Variants in PLEKHA5 observed in about 807,000 individuals in gnomAD.
PLEKHA5 encodes the protein pleckstrin homology domain containing A5.
PLEKHA5 carries 55 observed loss-of-function variants against 181.9 expected under a neutral mutation model. The observed-to-expected ratio is 0.30, with a 90% CI of 0.24 to 0.38. The LOEUF (loss-of-function observed/expected upper bound fraction) is 0.38. Among genes scored for constraint, PLEKHA5 ranks in the 10% least tolerant of loss-of-function variants. The pLI is 1.00. For synonymous variants in PLEKHA5, 535 were observed against 529.4 expected, an observed-to-expected ratio of 1.01 and a Z score of -0.15; for missense variants, 1,432 against 1,549.5, an observed-to-expected ratio of 0.92 and a Z score of 1.27.
At chr12:19,198,351 C>G (rs564596313) in intron 3 of PLEKHA5, among the ~76,000 whole-genome samples, 85 of 152,298 alleles carry the variant, frequency 5.6e-4, no homozygotes, top group Non-Finnish European at 1.1e-3. Context: ...GGCTTAGAGC[C>G]TTTAAACTAA....
intron 7 of PLEKHA5, 103 bp from the exon 8 acceptor site, chr12:19,265,647 C>G: frequency 1.5e-6 from 1 of 663,160 alleles, no homozygotes; most frequent in South Asian, 1.9e-5. Flanking sequence ...GAATATAGTT[C>G]ATTTATGTAC....
intron 11 of PLEKHA5, among the ~76,000 whole-genome samples, chr12:19,278,901 G>T (rs373672447): frequency 6.6e-6 from 1 of 152,124 alleles, no homozygotes; most frequent in African/African-American, 2.4e-5. Context: ...ACCTCTTTTT[G>T]AGTAGAGACA....
chr12:19,286,073 G>C (rs150446878), intron 12 of PLEKHA5, among the ~76,000 whole-genome samples: 2,660 of 152,288 alleles, frequency 0.017, 47 homozygotes, highest in Non-Finnish European at 0.025. Context: ...GAGTTTTCAA[G>C]CAAAAAATAG....
chr12:19,162,108 A>T (rs914682260), intron 3 of PLEKHA5, among the ~76,000 whole-genome samples: 3 of 152,154 alleles, frequency 2.0e-5, no homozygotes, highest in Admixed American at 6.5e-5. Flanking sequence ...AGTGAAAATA[A>T]AGGAAAATTT....
chr12:19,259,175 A>T (rs572517275), intron 6 of PLEKHA5, among the ~76,000 whole-genome samples: 1 of 150,958 alleles, frequency 6.6e-6, no homozygotes, highest in African/African-American at 2.4e-5. Context: ...TGGGCAACAT[A>T]GTGAGACCTC....
intron 3 of PLEKHA5, among the ~76,000 whole-genome samples, chr12:19,219,151 C>T (rs892416513): frequency 2.0e-5 from 3 of 151,938 alleles, no homozygotes; most frequent in Middle Eastern, 3.2e-3. Flanking sequence ...TCTGCATATA[C>T]TAAGGGCTGA....
intron 3 of PLEKHA5, among the ~76,000 whole-genome samples, chr12:19,185,395 G>C (rs915279198): frequency 6.6e-6 from 1 of 152,060 alleles, no homozygotes; most frequent in Admixed American, 6.6e-5. Context: ...TCTGGAGAAC[G>C]AGAATGTCTT....
chr12:19,297,073 T>G (rs901455195), intron 15 of PLEKHA5, among the ~76,000 whole-genome samples: 10 of 152,138 alleles, frequency 6.6e-5, no homozygotes, highest in African/African-American at 2.4e-4. Context: ...TATTAGGAAC[T>G]GTGACTACGA....
chr12:19,272,642 G>A (rs2073265433), intron 10 of PLEKHA5, among the ~76,000 whole-genome samples: 1 of 152,070 alleles, frequency 6.6e-6, no homozygotes, highest in African/African-American at 2.4e-5. Flanking sequence ...GAGGCTGAGA[G>A]GGAAGGATCA....
chr12:19,163,597 G>A (rs1430399566), intron 3 of PLEKHA5, among the ~76,000 whole-genome samples: 1 of 152,130 alleles, frequency 6.6e-6, no homozygotes, highest in African/African-American at 2.4e-5. Context: ...TCACTGATGT[G>A]TTTCAGTGTC....
chr12:19,190,025 A>G (rs919395820), intron 3 of PLEKHA5, among the ~76,000 whole-genome samples: 1 of 152,156 alleles, frequency 6.6e-6, no homozygotes, highest in Non-Finnish European at 1.5e-5. Flanking sequence ...TCTGCTTACA[A>G]CGTGCGCTTC....
At chr12:19,350,511 C>G (rs1378682959) in intron 25 of PLEKHA5, among the ~76,000 whole-genome samples, 1 of 152,202 alleles carries the variant, frequency 6.6e-6, no homozygotes, top group African/African-American at 2.4e-5. Flanking sequence ...TCACGCCTAT[C>G]TATAATCCCA....
intron 25 of PLEKHA5, 74 bp from the exon 26 acceptor site, chr12:19,353,810 A>C (rs1268508007): frequency 3.9e-6 from 3 of 768,214 alleles, no homozygotes; most frequent in African/African-American, 3.5e-5. Flanking sequence ...AAGTGTCAGA[A>C]ATTAAGTAAG....
Position 19,309,924 on chromosome 12 carries a change from T to G in PLEKHA5, c.2038-4890T>G, listed in dbSNP as rs7295758. Among the ~76,000 whole-genome samples the G allele has an allele frequency of 1.6e-3, 240 of 152,312 alleles. 1 individual carries two copies. The highest frequency in any genetic ancestry group is 3.1e-3 in the Non-Finnish European group (208 of 68,030). On this transcript the variant is annotated intron_variant, in intron 15 of 31. Transcript: ENST00000429027. ...CAGTAAAAACAAAAGTAGGCTACAG[T>G]CTGTGCCATGTTGATGTACAATTTC... is the stretch of plus-strand genomic sequence containing the variant.
intron 3 of PLEKHA5, among the ~76,000 whole-genome samples, chr12:19,234,892 G>A (rs1209260876): frequency 6.6e-6 from 1 of 152,078 alleles, no homozygotes; most frequent in African/African-American, 2.4e-5. Context: ...GTATTTATAG[G>A]TTATGGTTTA....
At chr12:19,323,704 T>C (rs1209626360) in intron 20 of PLEKHA5, among the ~76,000 whole-genome samples, 1 of 150,194 alleles carries the variant, frequency 6.7e-6, no homozygotes, top group African/African-American at 2.5e-5. Flanking sequence ...TAATCCTAGC[T>C]ACTTGGGAGG....
At position 19,290,691 on chromosome 12, in the gene PLEKHA5, G is replaced by A. The variant is rs199962575; in HGVS notation, c.1878G>A (p.Thr626=). 135 of 1,534,408 alleles carry A rather than the reference G, an allele frequency of 8.8e-5. No individual in the cohort carries two copies. Among genetic ancestry groups the A allele is most frequent in the Non-Finnish European group, 1.1e-4 (126 of 1,145,722 alleles). Residue 626 remains threonine, a synonymous_variant, in exon 14 of 32, where the codon ACG becomes ACA. Coordinates refer to ENST00000429027, the MANE Select transcript of PLEKHA5 (RefSeq NM_001256470.2). Reference sequence around the variant, plus strand: ...TACTCCTTCAGCCAGAGGAGCTTACGCTGCTGCTAATAAAGCTGAGACGGC... The same window carrying A: ...TACTCCTTCAGCCAGAGGAGCTTACACTGCTGCTAATAAAGCTGAGACGGC... ...SLQGKTPEEL[T]LLLIKLRRQQ...
intron 3 of PLEKHA5, among the ~76,000 whole-genome samples, chr12:19,166,360 G>A (rs1160311582): frequency 6.6e-6 from 1 of 152,122 alleles, no homozygotes; most frequent in Non-Finnish European, 1.5e-5. Context: ...TGCATCTAAT[G>A]TTATATAACT....
At chr12:19,352,870 CT>C (rs755317097) in intron 25 of PLEKHA5, among the ~76,000 whole-genome samples, 14 of 151,684 alleles carry the variant, frequency 9.2e-5, no homozygotes, top group Non-Finnish European at 5.9e-5. Flanking sequence ...TCTCAACTCA[CT>C]GTAACCTCTG....
Sources: gnomAD v4.1 joint callset for allele counts (sites outside exome capture counted in the v4.1 genomes callset) on GRCh38, gnomAD v4.1.1 for gene constraint, MANE v1.5 for transcripts, NCBI Gene and HGNC (gene_info 2026-07-23, HGNC 2026-07-21) for gene names.